Variants in PSMC4 observed in about 807,000 individuals in gnomAD.
The protein encoded by PSMC4 is 26S proteasome regulatory subunit 6B.
Under a neutral mutation model 48.4 loss-of-function variants are expected in PSMC4, and 13 were observed. That is an observed-to-expected ratio of 0.27 (90% CI 0.18 to 0.43). The LOEUF is 0.43. Ranked by LOEUF, PSMC4 falls within the 20% of genes least tolerant of loss-of-function variation. PSMC4 has a pLI of 1.00. For synonymous variants in PSMC4, 202 were observed against 212.3 expected, an observed-to-expected ratio of 0.95 and a Z score of 0.42; for missense variants, 262 against 555.9, an observed-to-expected ratio of 0.47 and a Z score of 5.32.
Position 39,974,636 on chromosome 19 carries a change from G to A in PSMC4, c.579+3G>A, listed in dbSNP as rs111484261. ...CGCATTTCGAGCTCTACAAGCAGGT[G>A]AGGCGGTGCAGGTGGCAGGGAAGGG... On this transcript the variant is annotated splice_donor_region_variant and intron_variant, in intron 5 of 10. Coordinates refer to ENST00000157812, the MANE Select transcript of PSMC4 (RefSeq NM_006503.4). The surrounding 1 kb of genome is among the most constrained non-coding windows in gnomAD (Gnocchi z 5.5). The A allele has an allele frequency of 2.5e-6, 4 of 1,613,930 alleles. No homozygotes were observed. The highest frequency in any genetic ancestry group is 1.7e-4 in the Middle Eastern group (1 of 6,060).
Position 39,981,567 on chromosome 19 carries a change from C to A in PSMC4, c.*262C>A. 2.9e-6 allele frequency: 1 copy of A among 346,808 alleles called. No individual in the cohort carries two copies. The highest frequency in any genetic ancestry group is 5.4e-6 in the Non-Finnish European group (1 of 184,782). 21.5% of individuals were successfully genotyped at this position (346,808 alleles called of 1,614,324 possible). A position where few individuals can be genotyped will look rare whatever the true frequency, so the allele number is the denominator to read the frequency against. Reference sequence around the variant, plus strand: ...TGGCCTGGGTTGCAGCTTGAGAGAACCAAAATATTCAAACCAGATGACTTC... The same window carrying A: ...TGGCCTGGGTTGCAGCTTGAGAGAAACAAAATATTCAAACCAGATGACTTC... On this transcript the variant is annotated 3_prime_UTR_variant, in exon 11 of 11. Transcript: ENST00000157812.
intron 6 of PSMC4, among the ~76,000 whole-genome samples, chr19:39,977,323 C>T (rs1285146924): frequency 6.6e-6 from 1 of 152,092 alleles, no homozygotes; most frequent in East Asian, 1.9e-4. Context: ...AACAGTGGTA[C>T]AATACAATGA....
At chr19:39,979,516 G>T (rs1333484519) in intron 6 of PSMC4, 1 of 220,912 alleles carries the variant, frequency 4.5e-6, no homozygotes, top group African/African-American at 2.3e-5. Context: ...AGCCGAGATT[G>T]TGCTACTGCA....
intron 6 of PSMC4, among the ~76,000 whole-genome samples, chr19:39,978,615 TATGGACTGC>T (rs1408365976): frequency 6.6e-6 from 1 of 152,106 alleles, no homozygotes; most frequent in African/African-American, 2.4e-5. Context: ...TCAGTCTATC[TATGGACTGC>T]ATGTCTCCCT....
intron 1 of PSMC4, among the ~76,000 whole-genome samples, chr19:39,971,931 A>G (rs1971107537): frequency 6.6e-6 from 1 of 152,176 alleles, no homozygotes; most frequent in Non-Finnish European, 1.5e-5. Context: ...ATATGATAAC[A>G]TAAGATCTGT....
intron 6 of PSMC4, among the ~76,000 whole-genome samples, chr19:39,976,512 C>CTTTTTTTT (rs561360469): frequency 7.6e-6 from 1 of 131,082 alleles, no homozygotes; most frequent in African/African-American, 2.8e-5. Context: ...CGTAAAGTTT[C>CTTTTTTTT]TTTTTTTTTT....
intron 6 of PSMC4, among the ~76,000 whole-genome samples, chr19:39,975,411 A>C (rs886317563): frequency 6.6e-6 from 1 of 151,990 alleles, no homozygotes; most frequent in Admixed American, 6.5e-5. Flanking sequence ...GGCCCCAAAA[A>C]TGTATTTCTT....
chr19:39,976,244 AAT>A (rs201836352), intron 6 of PSMC4, among the ~76,000 whole-genome samples: 1,675 of 132,268 alleles, frequency 0.013, 12 homozygotes, highest in Non-Finnish European at 0.017. Context: ...CTCCAAAAAA[AAT>A]ATATATATAT....
Position 39,981,250 on chromosome 19 carries a change from A to G in PSMC4, c.1202A>G (p.Lys401Arg). 6.2e-7 allele frequency: 1 copy of G among 1,614,074 alleles called. No homozygotes were observed. The part of the protein sequence containing the change: ...RYIVLAKDFE[K>R]AYKTVIKKDE... ...ATTGTCCTGGCCAAGGACTTCGAGA[A>G]AGCATACAAGACTGTCATCAAGAAG... The change falls in exon 11 of 11, where the codon AAA (lysine) becomes AGA (arginine). Residue 401 changes from lysine (K) to arginine (R), a missense_variant. Physicochemically the swap from Lys to Arg is conservative, Grantham distance 26. Coordinates refer to ENST00000157812, the MANE Select transcript of PSMC4 (RefSeq NM_006503.4).
At position 39,979,690 on chromosome 19, in the gene PSMC4, T is replaced by C. The variant is rs992409753; in HGVS notation, c.674-127T>C. On this transcript the variant is annotated intron_variant, in intron 6 of 10. Transcript: ENST00000157812. ...GGGCTCACCCTTGGGCATGAGGGAA[T>C]GACACAACTACTAGGTATGGGTATC... The C allele has an allele frequency of 8.3e-6, 8 of 958,212 alleles. No homozygotes were observed. The African/African-American group carries it at 1.3e-4, about 16-fold the overall frequency. 59.4% of individuals were successfully genotyped at this position (958,212 alleles called of 1,614,324 possible). A position where few individuals can be genotyped will look rare whatever the true frequency, so the allele number is the denominator to read the frequency against.
At chr19:39,981,106 C>T in intron 10 of PSMC4, 86 bp from the exon 11 acceptor site, 2 of 1,019,340 alleles carry the variant, frequency 2.0e-6, no homozygotes. Context: ...ATCTGTATAC[C>T]TCAGCCTCCC....
chr19:39,976,734 C>A (rs1971206168), intron 6 of PSMC4, among the ~76,000 whole-genome samples: 1 of 151,928 alleles, frequency 6.6e-6, no homozygotes, highest in African/African-American at 2.4e-5. Flanking sequence ...TGGTCTAGAT[C>A]TCCTGACCTC....
Position 39,971,238 on chromosome 19 carries a change from G to A in PSMC4, c.36G>A (p.Gln12=). 3 of 1,614,184 alleles carry A rather than the reference G, an allele frequency of 1.9e-6. No individual in the cohort carries two copies. Among genetic ancestry groups the A allele is most frequent in the Non-Finnish European group, 2.5e-6 (3 of 1,180,016 alleles). The change falls in exon 1 of 11, where the codon CAG becomes CAA. Residue 12 remains glutamine (Q), a splice_region_variant and synonymous_variant. Coordinates refer to ENST00000157812, the MANE Select transcript of PSMC4 (RefSeq NM_006503.4). ...EEIGILVEKA[Q]DEIPALSVSR... ...TAGGCATCTTGGTGGAGAAGGCTCAGGTACAGTGGGGACTTGGGCTTTTTA... is the reference window on the plus strand; with the variant it reads ...TAGGCATCTTGGTGGAGAAGGCTCAAGTACAGTGGGGACTTGGGCTTTTTA...
At position 39,980,012 on chromosome 19, in the gene PSMC4, G is replaced by A. The variant is rs146532267; in HGVS notation, c.841+28G>A. On this transcript the variant is annotated intron_variant, in intron 7 of 10. Transcript: ENST00000157812. This position sits in a 1 kb window ranked among gnomAD's most constrained non-coding sequence, Gnocchi z 4.8. ...AAGTGATGCTGAAACAAGGCCCGGG[G>A]TCTTGGACAGGCTTGTCGCATGGGA... 2 of 1,613,970 alleles carry A rather than the reference G, an allele frequency of 1.2e-6. No homozygotes were observed. The highest frequency in any genetic ancestry group is 1.7e-6 in the Non-Finnish European group (2 of 1,179,928).
rs781433580 is a variant in PSMC4, at chr19:39,980,057, T to C, written c.842-13T>C. On this transcript the variant is annotated splice_polypyrimidine_tract_variant and intron_variant, in intron 7 of 10. Coordinates refer to ENST00000157812, the MANE Select transcript of PSMC4 (RefSeq NM_006503.4). This position sits in a 1 kb window ranked among gnomAD's most constrained non-coding sequence, Gnocchi z 4.8. ...ATGGGATGCCTGGGACTGACTGTGC[T>C]GTGCACTCTCAGCCGACAGGGAGGT... 10 of 1,614,106 alleles carry C rather than the reference T, an allele frequency of 6.2e-6. No homozygotes were observed. The East Asian group carries it at 2.2e-4, about 36-fold the overall frequency.
chr19:39,972,187 C>T lies in PSMC4; in HGVS notation c.78C>T (p.Gly26=). 1 of 1,614,126 alleles carries T rather than the reference C, an allele frequency of 6.2e-7. No homozygotes were observed. Among genetic ancestry groups the T allele is most frequent in the South Asian group, 1.1e-5 (1 of 91,088 alleles). Residue 26 remains glycine (G), a synonymous_variant, in exon 2 of 11, where the codon GGC becomes GGT. Coordinates refer to ENST00000157812, the MANE Select transcript of PSMC4 (RefSeq NM_006503.4). ...TGTCCGTGTCCCGGCCCCAGACCGG[C>T]CTGTCCTTCCTGGGCCCTGAGCCTG... The part of the protein sequence containing the change: ...PALSVSRPQT[G]LSFLGPEPED...
At chr19:39,976,129 T>G (rs1197454877) in intron 6 of PSMC4, among the ~76,000 whole-genome samples, 1 of 150,938 alleles carries the variant, frequency 6.6e-6, no homozygotes, top group Non-Finnish European at 1.5e-5. Context: ...CCCAGCTACT[T>G]GGGAGGCTGA....
Position 39,974,554 on chromosome 19 carries a change from T to A in PSMC4, c.500T>A (p.Ile167Asn), listed in dbSNP as rs1213112647. 1 of 1,613,974 alleles carries A rather than the reference T, an allele frequency of 6.2e-7. No individual in the cohort carries two copies. The highest frequency in any genetic ancestry group is 2.2e-5 in the East Asian group (1 of 44,848). ...DQKPDVMYAD[I>N]GGMDIQKQEV... ...AAGCCAGATGTGATGTACGCGGACA[T>A]CGGAGGCATGGACATCCAGAAGCAG... Residue 167 changes from isoleucine to asparagine, a missense_variant, in exon 5 of 11, where the codon ATC becomes AAC. Transcript: ENST00000157812. This position sits in a 1 kb window ranked among gnomAD's most constrained non-coding sequence, Gnocchi z 5.5.
intron 6 of PSMC4, among the ~76,000 whole-genome samples, chr19:39,976,015 G>A (rs1008338666): frequency 6.6e-6 from 1 of 151,936 alleles, no homozygotes; most frequent in African/African-American, 2.4e-5. Flanking sequence ...TTGGGAGGCC[G>A]AGGTGGGAGG....
Sources: gnomAD v4.1 joint callset for allele counts (sites outside exome capture counted in the v4.1 genomes callset) on GRCh38, gnomAD v4.1.1 for gene constraint, Gnocchi (gnomAD v3.1) non-coding constraint, MANE v1.5 for transcripts, NCBI Gene and HGNC (gene_info 2026-07-23, HGNC 2026-07-21) for gene names.